Variants in RNFT2 observed in about 807,000 individuals in gnomAD.
RNFT2 encodes ring finger protein, transmembrane 2.
A neutral mutation model predicts 53.0 loss-of-function variants in RNFT2; 36 were observed. The ratio of observed to expected loss-of-function variants is 0.68; its 90% CI spans 0.52 to 0.90. The LOEUF is 0.90. RNFT2 is among the 40% of genes least tolerant of loss of function. The pLI is 0.00. For missense variants in RNFT2, 514 were observed against 585.6 expected, an observed-to-expected ratio of 0.88 and a Z score of 1.26; for synonymous variants, 260 against 253.2, an observed-to-expected ratio of 1.03 and a Z score of -0.26.
intron 7 of RNFT2, among the ~76,000 whole-genome samples, chr12:116,807,547 C>T (rs960889866): frequency 3.9e-5 from 6 of 152,038 alleles, no homozygotes; most frequent in African/African-American, 1.2e-4. Context: ...AATGACAGGG[C>T]TTAGACTCTA....
At chr12:116,757,619 G>A (rs1872560841) in intron 5 of RNFT2, among the ~76,000 whole-genome samples, 1 of 152,042 alleles carries the variant, frequency 6.6e-6, no homozygotes, top group Admixed American at 6.6e-5. Context: ...ATTTCCATGT[G>A]TTTGCATGGT....
At chr12:116,785,096 C>T (rs1873870237) in intron 7 of RNFT2, among the ~76,000 whole-genome samples, 1 of 152,124 alleles carries the variant, frequency 6.6e-6, no homozygotes, top group Admixed American at 6.6e-5. Context: ...TTTCTTCCCT[C>T]TGCCCTCCTC....
intron 4 of RNFT2, 135 bp from the exon 5 acceptor site, chr12:116,753,848 GA>G (rs1872368401): frequency 1.5e-6 from 1 of 652,216 alleles, no homozygotes; most frequent in African/African-American, 1.8e-5. Context: ...CAAGAAGTGG[GA>G]TTTTTTTTAT....
intron 4 of RNFT2, among the ~76,000 whole-genome samples, chr12:116,750,863 AT>A (rs1473962996): frequency 0.029 from 95 of 3,252 alleles, 2 homozygotes; most frequent in African/African-American, 0.042. Context: ...TATATATTAT[AT>A]ATATATAATA....
At chr12:116,755,744 C>T in intron 5 of RNFT2, 1 of 1,456,488 alleles carries the variant, frequency 6.9e-7, no homozygotes, top group Non-Finnish European at 9.5e-7. Flanking sequence ...AGTACCCATT[C>T]CCTTGATGTC....
chr12:116,809,382 T>C (rs574769170), intron 7 of RNFT2, among the ~76,000 whole-genome samples: 163 of 152,316 alleles, frequency 1.1e-3, no homozygotes, highest in Non-Finnish European at 2.0e-3. Flanking sequence ...AACTCCTTCA[T>C]GTGGCCTGGG....
intron 7 of RNFT2, among the ~76,000 whole-genome samples, chr12:116,832,142 A>ATATATATATAT (rs1170051785): frequency 6.5e-5 from 4 of 61,796 alleles, no homozygotes; most frequent in African/African-American, 1.7e-4. Flanking sequence ...AAAAAAAAAA[A>ATATATATATAT]AAAAAAATAT....
chr12:116,757,136 T>C (rs1409111304), intron 5 of RNFT2, among the ~76,000 whole-genome samples: 1 of 152,126 alleles, frequency 6.6e-6, no homozygotes, highest in Non-Finnish European at 1.5e-5. Context: ...GTAGCCTTGA[T>C]TGGCCTTTTA....
At chr12:116,812,706 G>C (rs1875449363) in intron 7 of RNFT2, among the ~76,000 whole-genome samples, 1 of 152,082 alleles carries the variant, frequency 6.6e-6, no homozygotes, top group Non-Finnish European at 1.5e-5. Context: ...ACTAATTTTT[G>C]TATTTTTAGT....
intron 7 of RNFT2, among the ~76,000 whole-genome samples, chr12:116,822,544 G>A (rs554650908): frequency 6.6e-6 from 1 of 152,304 alleles, no homozygotes; most frequent in Non-Finnish European, 1.5e-5. Flanking sequence ...ATAGTGGTGT[G>A]CACAGAGTGG....
At chr12:116,804,679 T>C (rs1334933425) in intron 7 of RNFT2, among the ~76,000 whole-genome samples, 3 of 152,190 alleles carry the variant, frequency 2.0e-5, no homozygotes, top group African/African-American at 7.2e-5. Context: ...GACGGTTCTT[T>C]CTCGAGGCAG....
intron 7 of RNFT2, among the ~76,000 whole-genome samples, chr12:116,822,312 G>A (rs1252993327): frequency 6.6e-6 from 1 of 151,926 alleles, no homozygotes; most frequent in Non-Finnish European, 1.5e-5. Context: ...TTTGGCAAAT[G>A]GCCCCAGGAG....
intron 1 of RNFT2, 100 bp from the exon 2 acceptor site, chr12:116,740,245 A>G (rs1592931222): frequency 2.3e-6 from 1 of 432,492 alleles, no homozygotes; most frequent in Non-Finnish European, 4.3e-6. Context: ...TACTGAGCAG[A>G]TGGAATCATC....
At chr12:116,746,328 G>T (rs528306839) in intron 3 of RNFT2, among the ~76,000 whole-genome samples, 2 of 152,172 alleles carry the variant, frequency 1.3e-5, no homozygotes, top group Admixed American at 6.5e-5. Context: ...CTCCAGTGGG[G>T]TCGGGGCACC....
Position 116,750,015 on chromosome 12 carries a change from C to G in RNFT2, c.258C>G (p.Asp86Glu). Residue 86 changes from aspartate (D) to glutamate (E), a missense_variant, in exon 4 of 11, where the codon GAC becomes GAG. Around this residue, in one of 3 missense-constraint regions of RNFT2, gnomAD observed 237 missense variants for 235.1 expected, o/e 1.01. Coordinates refer to ENST00000257575, the MANE Select transcript of RNFT2 (RefSeq NM_001382266.1). ...LVLGSSAGGG[D>E]VFIQMPASRE... Reference sequence around the variant, plus strand: ...TGGGCTCCTCGGCTGGCGGCGGGGACGTGTTCATCCAGATGCCCGCGTCCA... The same window carrying G: ...TGGGCTCCTCGGCTGGCGGCGGGGAGGTGTTCATCCAGATGCCCGCGTCCA... 6.4e-7 allele frequency: 1 copy of G among 1,554,356 alleles called. No individual in the cohort carries two copies. The highest frequency in any genetic ancestry group is 8.7e-7 in the Non-Finnish European group (1 of 1,149,448).
At chr12:116,769,282 C>T (rs941706961) in intron 6 of RNFT2, among the ~76,000 whole-genome samples, 4 of 152,050 alleles carry the variant, frequency 2.6e-5, no homozygotes, top group African/African-American at 4.8e-5. Flanking sequence ...TGCTTGGACC[C>T]GGGAGGCAGA....
At chr12:116,816,227 A>C (rs1875658020) in intron 7 of RNFT2, among the ~76,000 whole-genome samples, 1 of 152,186 alleles carries the variant, frequency 6.6e-6, no homozygotes, top group African/African-American at 2.4e-5. Flanking sequence ...TGTGTAGGGA[A>C]GCTGCTGATG....
chr12:116,747,874 T>G (rs1871985465), intron 3 of RNFT2, among the ~76,000 whole-genome samples: 1 of 152,060 alleles, frequency 6.6e-6, no homozygotes, highest in Admixed American at 6.5e-5. Flanking sequence ...GAGTTTGCAA[T>G]GTAGTGATTC....
chr12:116,819,771 C>T (rs921333793), intron 7 of RNFT2, among the ~76,000 whole-genome samples: 2 of 152,200 alleles, frequency 1.3e-5, no homozygotes, highest in African/African-American at 4.8e-5. Context: ...AACTTACATA[C>T]TGTGGAGTGC....
Sources: gnomAD v4.1 joint callset for allele counts (sites outside exome capture counted in the v4.1 genomes callset) on GRCh38, gnomAD v4.1.1 for gene constraint, gnomAD v4.1.1 regional missense constraint, MANE v1.5 for transcripts, NCBI Gene and HGNC (gene_info 2026-07-23, HGNC 2026-07-21) for gene names.